DNMBP: variants seen among roughly 807,000 people sequenced by gnomAD.
DNMBP encodes dynamin-binding protein.
Under a neutral mutation model 150.0 loss-of-function variants are expected in DNMBP, and 87 were observed. The observed-to-expected ratio is 0.58, with a 90% CI of 0.49 to 0.69. The LOEUF is 0.69. Among genes scored for constraint, DNMBP ranks in the 30% least tolerant of loss-of-function variants. The pLI is 0.00. For synonymous variants in DNMBP, 711 were observed against 750.4 expected, an observed-to-expected ratio of 0.95 and a Z score of 0.86; for missense variants, 1,774 against 1,949.0, an observed-to-expected ratio of 0.91 and a Z score of 1.69.
chr10:99,973,616 G>A (rs2040699723), intron 1 of DNMBP, among the ~76,000 whole-genome samples: 1 of 152,202 alleles, frequency 6.6e-6, no homozygotes, highest in Admixed American at 6.5e-5. Context: ...TACCTACTGA[G>A]ACTATCTGCA....
At chr10:99,928,835 C>T (rs2040111539) in intron 4 of DNMBP, among the ~76,000 whole-genome samples, 2 of 148,888 alleles carry the variant, frequency 1.3e-5, no homozygotes, top group African/African-American at 2.5e-5. Flanking sequence ...CTGAAAGGAG[C>T]GGTAAAAAAA....
intron 3 of DNMBP, among the ~76,000 whole-genome samples, chr10:99,963,882 C>G (rs551194215): frequency 2.6e-5 from 4 of 151,820 alleles, no homozygotes; most frequent in Non-Finnish European, 4.4e-5. Flanking sequence ...GGTTTCCATA[C>G]GAGCCATGTC....
chr10:99,972,144 T>TA lies in DNMBP; in HGVS notation c.-10-11dup. On this transcript the variant is annotated splice_polypyrimidine_tract_variant and intron_variant, in intron 1 of 16. Coordinates refer to ENST00000324109, the MANE Select transcript of DNMBP (RefSeq NM_015221.4). ...CTCCATGTTTTATAACCTGGAAAGA[T>TA]AGATCAAGAGAAATAGAAAACATCA... 1 of 1,602,972 alleles carries TA rather than the reference T, an allele frequency of 6.2e-7. No homozygotes were observed. Among genetic ancestry groups the TA allele is most frequent in the Non-Finnish European group, 8.5e-7 (1 of 1,176,694 alleles).
At chr10:100,009,482 T>G (rs2041109627) in intron 1 of DNMBP, among the ~76,000 whole-genome samples, 1 of 152,248 alleles carries the variant, frequency 6.6e-6, no homozygotes, top group Admixed American at 6.5e-5. Flanking sequence ...GCAGAATTCT[T>G]TTTCCAGCTC....
In DNMBP at chr10:99,886,525, G is replaced by C; in HGVS notation, c.3393C>G (p.Phe1131Leu). Residue 1131 changes from phenylalanine to leucine, a missense_variant, in exon 13 of 17, where the codon TTC becomes TTG. Physicochemically the swap from Phe to Leu is conservative, Grantham distance 22. Coordinates refer to ENST00000324109, the MANE Select transcript of DNMBP (RefSeq NM_015221.4). ...VQKRFDKLLD[F>L]YNCTERAEKL... ...TTTCTGCCCGTTCTGTACAGTTATA[G>C]AAGTCCAGGAGCTTGTCAAAGCGTT... 6.2e-7 allele frequency: 1 copy of C among 1,614,162 alleles called. No individual in the cohort carries two copies. The highest frequency in any genetic ancestry group is 8.5e-7 in the Non-Finnish European group (1 of 1,180,042).
chr10:99,923,222 C>T (rs1475750738), intron 4 of DNMBP, among the ~76,000 whole-genome samples: 1 of 152,104 alleles, frequency 6.6e-6, no homozygotes, highest in Non-Finnish European at 1.5e-5. Flanking sequence ...AATCCCGTCT[C>T]TACTAAAAAT....
intron 1 of DNMBP, among the ~76,000 whole-genome samples, chr10:100,004,574 T>C (rs2041048608): frequency 6.6e-6 from 1 of 152,112 alleles, no homozygotes; most frequent in Non-Finnish European, 1.5e-5. Flanking sequence ...TGTTGACATG[T>C]TATTAGAAAA....
chr10:99,994,556 C>G (rs1222890615), intron 1 of DNMBP, among the ~76,000 whole-genome samples: 1 of 152,134 alleles, frequency 6.6e-6, no homozygotes, highest in Non-Finnish European at 1.5e-5. Context: ...GTCACCAGGA[C>G]AACGCAATTG....
At chr10:99,984,203 A>G (rs977079176) in intron 1 of DNMBP, among the ~76,000 whole-genome samples, 1 of 152,208 alleles carries the variant, frequency 6.6e-6, no homozygotes, top group African/African-American at 2.4e-5. Flanking sequence ...CCCAAGATTA[A>G]TATTTCAGGA....
At chr10:99,959,914 G>C (rs1001131408) in intron 3 of DNMBP, among the ~76,000 whole-genome samples, 13 of 151,500 alleles carry the variant, frequency 8.6e-5, no homozygotes, top group African/African-American at 3.2e-4. Context: ...TGGAGATGAA[G>C]GGTATGGACA....
intron 4 of DNMBP, among the ~76,000 whole-genome samples, chr10:99,926,196 C>G (rs1352596897): frequency 6.6e-6 from 1 of 152,182 alleles, no homozygotes; most frequent in Non-Finnish European, 1.5e-5. Flanking sequence ...CACACTTGGT[C>G]TAGTAATGGT....
intron 1 of DNMBP, among the ~76,000 whole-genome samples, chr10:99,977,902 GTCTA>G (rs1462809776): frequency 6.6e-6 from 1 of 152,096 alleles, no homozygotes; most frequent in Non-Finnish European, 1.5e-5. Context: ...CTTCCAGCTT[GTCTA>G]TCTATGTATG....
At position 99,899,933 on chromosome 10, in the gene DNMBP, G is replaced by T; in HGVS notation, c.2688C>A (p.Ser896=). ...DEKIQKHLQD[S]LADLKSLYNE... ...AAAACTCCTACTTCAGATCTGCCAAGGAGTCCTGAAGATGCTTCTGGATCT... is the reference window on the plus strand; with the variant it reads ...AAAACTCCTACTTCAGATCTGCCAATGAGTCCTGAAGATGCTTCTGGATCT... The change falls in exon 7 of 17, where the codon TCC becomes TCA. Residue 896 remains serine, a synonymous_variant. Coordinates refer to ENST00000324109, the MANE Select transcript of DNMBP (RefSeq NM_015221.4). 6.2e-7 allele frequency: 1 copy of T among 1,614,120 alleles called. No individual in the cohort carries two copies.
chr10:99,987,213 G>A (rs1413013888), intron 1 of DNMBP, among the ~76,000 whole-genome samples: 1 of 149,646 alleles, frequency 6.7e-6, no homozygotes, highest in East Asian at 2.0e-4. Flanking sequence ...GACATGTAAA[G>A]AAAATAAGAC....
chr10:99,892,654 A>G (rs2039590738), intron 11 of DNMBP, among the ~76,000 whole-genome samples: 1 of 144,190 alleles, frequency 6.9e-6, no homozygotes, highest in Non-Finnish European at 1.5e-5. Context: ...TAGGAAAACC[A>G]GAGACCTTTG....
At chr10:99,959,514 C>A (rs2040538132) in intron 3 of DNMBP, among the ~76,000 whole-genome samples, 1 of 151,688 alleles carries the variant, frequency 6.6e-6, no homozygotes, top group South Asian at 2.1e-4. Context: ...AAAAAAACCA[C>A]CCAAAAAAAC....
chr10:99,892,123 C>T lies in DNMBP; in HGVS notation c.3156+2823G>A, dbSNP rs371378157. On this transcript the variant is annotated intron_variant, in intron 11 of 16. Transcript: ENST00000324109. ...CTCTGCCCGGCCGCCCCTACTGGGACGTGAAGAGCCCCTCTGCCCGGCCAG... is the reference window on the plus strand; with the variant it reads ...CTCTGCCCGGCCGCCCCTACTGGGATGTGAAGAGCCCCTCTGCCCGGCCAG... 1.7e-3 allele frequency among the ~76,000 whole-genome samples: 172 copies of T among 102,510 alleles called. 8 individuals are homozygous for T. Among genetic ancestry groups the T allele is most frequent in the East Asian group, 5.9e-3 (26 of 4,382 alleles). The allele number at this position is 102,510 out of a possible 152,430, so 67.3% of individuals were successfully genotyped here.
intron 11 of DNMBP, chr10:99,889,617 G>C (rs535571431): frequency 2.0e-5 from 3 of 152,366 alleles, no homozygotes; most frequent in East Asian, 3.9e-4. Flanking sequence ...GACTGAGTTT[G>C]AACTCCAGGT....
intron 5 of DNMBP, among the ~76,000 whole-genome samples, chr10:99,908,340 C>A (rs932518999): frequency 3.9e-5 from 6 of 152,208 alleles, no homozygotes; most frequent in Admixed American, 1.3e-4. Flanking sequence ...ACCAATTTGG[C>A]CTACAAATGC....
Sources: gnomAD v4.1 joint callset for allele counts (sites outside exome capture counted in the v4.1 genomes callset) on GRCh38, gnomAD v4.1.1 for gene constraint, MANE v1.5 for transcripts, NCBI Gene and HGNC (gene_info 2026-07-23, HGNC 2026-07-21) for gene names.